BBS9: variants seen among roughly 807,000 people sequenced by gnomAD.
BBS9 encodes Bardet-Biedl syndrome 9.
Under a neutral mutation model 117.7 loss-of-function variants are expected in BBS9, and 89 were observed. The observed-to-expected ratio is 0.76, with a 90% confidence interval of 0.64 to 0.90. The LOEUF (loss-of-function observed/expected upper bound fraction) is 0.90. Among genes scored for constraint, BBS9 ranks in the 40% least tolerant of loss-of-function variants. The probability of loss-of-function intolerance (pLI) is 0.00; values close to 1 mark genes in which losing one functional copy is unlikely to be tolerated. For synonymous variants in BBS9, 379 were observed against 370.9 expected (o/e 1.02, Z -0.25); for missense variants, 982 against 1,042.2 (o/e 0.94, Z 0.80).
At chr7:33,240,080 C>A (rs1284106994) in intron 5 of BBS9, among the ~76,000 whole-genome samples, 1 of 152,054 alleles carries the variant, frequency 6.6e-6, no homozygotes, top group African/African-American at 2.4e-5. Flanking sequence ...TGTCCAGGCA[C>A]CTTTTATGAA....
intron 12 of BBS9, among the ~76,000 whole-genome samples, chr7:33,347,844 G>A (rs1376384879): frequency 6.6e-6 from 1 of 151,828 alleles, no homozygotes; most frequent in Admixed American, 6.6e-5. Context: ...TTATGTTAAT[G>A]TATGTATCTG....
At chr7:33,282,721 A>G (rs1802139891) in intron 9 of BBS9, among the ~76,000 whole-genome samples, 1 of 152,204 alleles carries the variant, frequency 6.6e-6, no homozygotes, top group Non-Finnish European at 1.5e-5. Flanking sequence ...GAAAAAAGAA[A>G]TAGCTGAAGT....
intron 5 of BBS9, among the ~76,000 whole-genome samples, chr7:33,242,787 G>T (rs1212075668): frequency 2.0e-5 from 3 of 152,104 alleles, no homozygotes; most frequent in Admixed American, 6.6e-5. Flanking sequence ...CATATAAAAT[G>T]CTATGGTAAT....
chr7:33,436,634 C>T lies in BBS9; in HGVS notation c.2115+48490C>T, dbSNP rs536227945. On this transcript the variant is annotated intron_variant, in intron 19 of 22. Coordinates refer to ENST00000242067, the MANE Select transcript of BBS9 (RefSeq NM_198428.3). ...TTAAGACTCACCTCCATTGGTAACT[C>T]CCTTTGAAGTCAAGCTGTTCTCTCT... is the stretch of plus-strand genomic sequence containing the variant. Among the ~76,000 whole-genome samples the T allele has an allele frequency of 5.9e-5, 9 of 152,312 alleles. No individual in the cohort carries two copies. In the South Asian group the frequency reaches 1.7e-3, roughly 28 times the overall value.
At chr7:33,255,982 C>T (rs557767156) in intron 5 of BBS9, among the ~76,000 whole-genome samples, 1 of 151,940 alleles carries the variant, frequency 6.6e-6, no homozygotes, top group South Asian at 2.1e-4. Context: ...ATGGTTGAAA[C>T]CCTGTCTCTA....
chr7:33,299,612 A>G (rs1805968248), intron 9 of BBS9, among the ~76,000 whole-genome samples: 1 of 147,824 alleles, frequency 6.8e-6, no homozygotes. Flanking sequence ...AATATTTACT[A>G]AATATTAAAT....
chr7:33,498,208 C>T (rs1043317515), intron 19 of BBS9, among the ~76,000 whole-genome samples: 2 of 152,054 alleles, frequency 1.3e-5, no homozygotes, highest in African/African-American at 4.8e-5. Context: ...TAATTAAGCC[C>T]TAGTTTCAAT....
intron 9 of BBS9, among the ~76,000 whole-genome samples, chr7:33,301,521 T>C (rs1806441663): frequency 6.6e-6 from 1 of 152,296 alleles, no homozygotes; most frequent in East Asian, 1.9e-4. Flanking sequence ...CATGCAAACT[T>C]TGTCTTTCTG....
chr7:33,593,536 T>G (rs1256079207), intron 21 of BBS9, among the ~76,000 whole-genome samples: 1 of 152,012 alleles, frequency 6.6e-6, no homozygotes, highest in Non-Finnish European at 1.5e-5. Flanking sequence ...AATAGAAGAG[T>G]TCTCATTTCC....
intron 19 of BBS9, among the ~76,000 whole-genome samples, chr7:33,498,040 A>G (rs752253316): frequency 2.0e-5 from 3 of 152,206 alleles, no homozygotes; most frequent in Non-Finnish European, 2.9e-5. Context: ...AGGGATGTTC[A>G]CTAGCTTTTA....
At position 33,273,068 on chromosome 7, in the gene BBS9, C is replaced by A; in HGVS notation, c.759C>A (p.Phe253Leu). Reference protein sequence around the residue: ...EQALDICIVSFNQSASSVFVL... With the variant: ...EQALDICIVSLNQSASSVFVL... Reference sequence around the variant, plus strand: ...CCCTTGACATATGTATTGTCTCTTTCAATCAGTCGGCATCCTCTGTTTTTG... The same window carrying A: ...CCCTTGACATATGTATTGTCTCTTTAAATCAGTCGGCATCCTCTGTTTTTG... Residue 253 changes from phenylalanine to leucine, a missense_variant, in exon 8 of 23, where the codon TTC (phenylalanine) becomes TTA (leucine). Phe to Leu is a conservative substitution (Grantham distance 22). Transcript: ENST00000242067. 6.2e-7 allele frequency: 1 copy of A among 1,613,668 alleles called. No individual in the cohort carries two copies. Among genetic ancestry groups the A allele is most frequent in the Non-Finnish European group, 8.5e-7 (1 of 1,179,762 alleles).
At position 33,297,799 on chromosome 7, in the gene BBS9, A is replaced by G. The variant is rs560337584; in HGVS notation, c.1016+23843A>G. Among the ~76,000 whole-genome samples, 13 of 152,274 alleles carry G rather than the reference A, an allele frequency of 8.5e-5. No homozygotes were observed. The South Asian group carries it at 2.5e-3, about 29-fold the overall frequency. On this transcript the variant is annotated intron_variant, in intron 9 of 22. Coordinates refer to ENST00000242067, the MANE Select transcript of BBS9 (RefSeq NM_198428.3). ...AATCATGAAAGGATGCTTCTCTTTAAAAATTGAGCATAGGACAGATTTAAC... is the reference window on the plus strand; with the variant it reads ...AATCATGAAAGGATGCTTCTCTTTAGAAATTGAGCATAGGACAGATTTAAC...
At chr7:33,410,994 G>A (rs1831022102) in intron 19 of BBS9, among the ~76,000 whole-genome samples, 1 of 138,056 alleles carries the variant, frequency 7.2e-6, no homozygotes, top group Admixed American at 7.5e-5. Flanking sequence ...GACCACAGAA[G>A]AACTTAAAAT....
intron 9 of BBS9, among the ~76,000 whole-genome samples, chr7:33,316,623 A>G (rs1287219226): frequency 1.3e-5 from 2 of 152,146 alleles, no homozygotes; most frequent in Non-Finnish European, 1.5e-5. Context: ...TGTGATTTTA[A>G]TTAGCATTTC....
chr7:33,147,299 CTTA>C (rs1237106609), intron 2 of BBS9, among the ~76,000 whole-genome samples: 2 of 151,838 alleles, frequency 1.3e-5, no homozygotes, highest in African/African-American at 2.4e-5. Context: ...AAAAAGAAAA[CTTA>C]TTATAACTAT....
chr7:33,180,598 G>A (rs910411552), intron 5 of BBS9, among the ~76,000 whole-genome samples: 8 of 152,048 alleles, frequency 5.3e-5, no homozygotes, highest in African/African-American at 1.4e-4. Context: ...CTCGTGACCC[G>A]CCTGCCTCAG....
At chr7:33,173,647 G>C (rs1031067308) in intron 4 of BBS9, among the ~76,000 whole-genome samples, 1 of 151,998 alleles carries the variant, frequency 6.6e-6, no homozygotes, top group East Asian at 1.9e-4. Flanking sequence ...AGACTATTTG[G>C]GGAGCCATCA....
chr7:33,424,591 T>C (rs1584776146), intron 19 of BBS9, among the ~76,000 whole-genome samples: 1 of 152,308 alleles, frequency 6.6e-6, no homozygotes, highest in Admixed American at 6.5e-5. Context: ...AAAAAGTTCC[T>C]GTTACCAGAA....
downstream of BBS9, among the ~76,000 whole-genome samples, chr7:33,610,684 A>C (rs182848264): frequency 2.0e-3 from 305 of 152,238 alleles, no homozygotes; most frequent in African/African-American, 7.1e-3. Flanking sequence ...ACAAACATTC[A>C]AACCATAACA....
Sources: allele counts gnomAD v4.1 joint callset (sites outside exome capture counted in the v4.1 genomes callset), GRCh38; gene constraint gnomAD v4.1.1; transcripts MANE v1.5; gene names NCBI Gene and HGNC (gene_info 2026-07-23, HGNC 2026-07-21).